The following GNG12 variants were observed in gnomAD, a reference collection of about 807,000 sequenced individuals.
GNG12 encodes the protein G protein subunit gamma 12, also known as guanine nucleotide-binding protein G(I)/G(S)/G(O) subunit gamma-12.
For synonymous variants in GNG12, 28 were observed against 29.7 expected, an observed-to-expected ratio of 0.94 and a Z score of 0.19; for missense variants, 69 against 83.8, an observed-to-expected ratio of 0.82 and a Z score of 0.69.
chr1:67,759,849 T>C (rs145441883), intron 2 of GNG12, among the ~76,000 whole-genome samples: 2 of 152,344 alleles, frequency 1.3e-5, no homozygotes, highest in African/African-American at 4.8e-5. Context: ...CACTCTGCTT[T>C]GTGTTGACTA....
At chr1:67,763,464 T>C (rs1237628211) in intron 2 of GNG12, among the ~76,000 whole-genome samples, 1 of 152,176 alleles carries the variant, frequency 6.6e-6, no homozygotes, top group Non-Finnish European at 1.5e-5. Context: ...GGTTTGCACA[T>C]GTTTTTTCCT....
intron 1 of GNG12, among the ~76,000 whole-genome samples, chr1:67,778,887 G>A (rs1646721665): frequency 6.6e-6 from 1 of 152,156 alleles, no homozygotes; most frequent in Non-Finnish European, 1.5e-5. Flanking sequence ...TAGCAGTGAT[G>A]GCAGATGGAA....
In GNG12 at chr1:67,710,194, A is replaced by AGT. The variant is rs1557592452; in HGVS notation, c.-26-2483_-26-2482insAC. Among the ~76,000 whole-genome samples, 17 of 15,448 alleles carry AGT rather than the reference A, an allele frequency of 1.1e-3. 1 individual carries two copies. The highest frequency in any genetic ancestry group is 2.3e-3 in the African/African-American group (15 of 6,410). 10.1% of individuals were successfully genotyped at this position (15,448 alleles called of 152,430 possible). A position where few individuals can be genotyped will look rare whatever the true frequency, so the allele number is the denominator to read the frequency against. ...TATATATATAGTTATATATATAGTT[A>AGT]TATATATATAGTTATATATATAGTT... On this transcript the variant is annotated intron_variant, in intron 2 of 3. Transcript: ENST00000370982.
At chr1:67,768,286 T>C (rs1646653362) in intron 2 of GNG12, among the ~76,000 whole-genome samples, 1 of 152,218 alleles carries the variant, frequency 6.6e-6, no homozygotes, top group South Asian at 2.1e-4. Flanking sequence ...TACAAAGGTA[T>C]TTTGTATAGA....
intron 1 of GNG12, among the ~76,000 whole-genome samples, chr1:67,804,556 C>T (rs968339870): frequency 2.6e-5 from 4 of 152,026 alleles, no homozygotes; most frequent in Non-Finnish European, 4.4e-5. Flanking sequence ...TGTTGTCACT[C>T]GCTCCTAACA....
intron 1 of GNG12, among the ~76,000 whole-genome samples, chr1:67,781,894 G>GGGGAT (rs1235644572): frequency 6.6e-5 from 10 of 152,106 alleles, no homozygotes; most frequent in Non-Finnish European, 1.5e-4. Flanking sequence ...ACATCCAAGG[G>GGGGAT]GGGATGTCAA....
In GNG12 at chr1:67,707,722, ATT is replaced by A; in HGVS notation, c.-26-12_-26-11del. 2 of 1,431,642 alleles carry A rather than the reference ATT, an allele frequency of 1.4e-6. No homozygotes were observed. Among genetic ancestry groups the A allele is most frequent in the Non-Finnish European group, 1.9e-6 (2 of 1,040,538 alleles). The allele number at this position is 1,431,642 out of a possible 1,614,324, so 88.7% of individuals were successfully genotyped here. The stretch of plus-strand genomic sequence containing the variant: ...TGTTTTTACCTGAAATCTGAGGAGA[ATT>A]TTTTTTAAAGACAAGTAACAGGCAT... On this transcript the variant is annotated splice_polypyrimidine_tract_variant and intron_variant, in intron 2 of 3. Coordinates refer to ENST00000370982, the MANE Select transcript of GNG12 (RefSeq NM_018841.6).
chr1:67,766,596 T>C (rs1329140840), intron 2 of GNG12, among the ~76,000 whole-genome samples: 2 of 150,824 alleles, frequency 1.3e-5, no homozygotes, highest in African/African-American at 2.5e-5. Context: ...TTCAAGAATA[T>C]ATGTTGGTGT....
Position 67,739,507 on chromosome 1 carries a change from T to C in GNG12, c.-26-31795A>G, listed in dbSNP as rs1239392017. Among the ~76,000 whole-genome samples the C allele has an allele frequency of 2.0e-5, 3 of 152,274 alleles. No homozygotes were observed. In the East Asian group the frequency reaches 5.8e-4, roughly 29 times the overall value. ...CTGACATCACACAACTGATGAAAAG[T>C]ATTGGGACAGCTACGTTGGAAAATC... On this transcript the variant is annotated intron_variant, in intron 2 of 3. Transcript: ENST00000370982.
chr1:67,747,656 G>A (rs747090370), intron 2 of GNG12, among the ~76,000 whole-genome samples: 15 of 152,190 alleles, frequency 9.9e-5, no homozygotes, highest in Non-Finnish European at 2.1e-4. Flanking sequence ...AAATATTAAT[G>A]CTATCTGCTT....
At chr1:67,760,149 A>G in intron 2 of GNG12, among the ~76,000 whole-genome samples, 1 of 152,240 alleles carries the variant, frequency 6.6e-6, no homozygotes, top group Admixed American at 6.5e-5. Context: ...TGTTACATGC[A>G]TTACATTACT....
chr1:67,763,279 T>C (rs557832929), intron 2 of GNG12, among the ~76,000 whole-genome samples: 1 of 152,344 alleles, frequency 6.6e-6, no homozygotes, highest in African/African-American at 2.4e-5. Context: ...TTTTGGTGAT[T>C]ATCCCAATAA....
At chr1:67,790,290 T>G (rs1351115978) in intron 1 of GNG12, among the ~76,000 whole-genome samples, 2 of 152,186 alleles carry the variant, frequency 1.3e-5, no homozygotes, top group African/African-American at 4.8e-5. Context: ...TCCTTACAGA[T>G]CTTTCCATTT....
chr1:67,707,267 G>C (rs1646254925), intron 3 of GNG12, among the ~76,000 whole-genome samples: 1 of 152,150 alleles, frequency 6.6e-6, no homozygotes, highest in African/African-American at 2.4e-5. Context: ...GAATGACTAG[G>C]GTGTTTATGA....
chr1:67,781,606 T>C (rs948697101), intron 1 of GNG12, among the ~76,000 whole-genome samples: 2 of 152,186 alleles, frequency 1.3e-5, no homozygotes, highest in African/African-American at 4.8e-5. Context: ...ACAAGGTCTC[T>C]TCAGCAGCTG....
At chr1:67,777,840 G>A (rs1333811153) in intron 1 of GNG12, among the ~76,000 whole-genome samples, 1 of 152,048 alleles carries the variant, frequency 6.6e-6, no homozygotes, top group East Asian at 1.9e-4. Context: ...TTATGCTAGG[G>A]CCCAGCCATG....
At chr1:67,719,665 G>A (rs1458962238) in intron 2 of GNG12, among the ~76,000 whole-genome samples, 2 of 152,168 alleles carry the variant, frequency 1.3e-5, no homozygotes, top group Non-Finnish European at 2.9e-5. Context: ...ACTGTGTCAA[G>A]TACTCTGTGC....
intron 1 of GNG12, among the ~76,000 whole-genome samples, chr1:67,792,372 A>G (rs1646806602): frequency 6.6e-6 from 1 of 152,152 alleles, no homozygotes; most frequent in Non-Finnish European, 1.5e-5. Flanking sequence ...GATTTTTCTG[A>G]TGTTCGTATT....
intron 3 of GNG12, among the ~76,000 whole-genome samples, chr1:67,706,369 G>A (rs1489862832): frequency 6.6e-6 from 1 of 152,216 alleles, no homozygotes; most frequent in Non-Finnish European, 1.5e-5. Flanking sequence ...AGGATTTACT[G>A]TTAGAGATTG....
Sources: allele counts gnomAD v4.1 joint callset (sites outside exome capture counted in the v4.1 genomes callset), GRCh38; gene constraint gnomAD v4.1.1; transcripts MANE v1.5; gene names NCBI Gene and HGNC (gene_info 2026-07-23, HGNC 2026-07-21).